PALS1: variants seen among roughly 807,000 people sequenced by gnomAD.
PALS1 encodes the protein protein PALS1.
Under a neutral mutation model 78.9 loss-of-function variants are expected in PALS1, and 31 were observed. That is an observed-to-expected ratio of 0.39 (90% CI 0.30 to 0.53). The LOEUF is 0.53. Among genes scored for constraint, PALS1 ranks in the 20% least tolerant of loss-of-function variants. PALS1 has a pLI of 0.67. For synonymous variants in PALS1, 276 were observed against 270.9 expected, an observed-to-expected ratio of 1.02 and a Z score of -0.18; for missense variants, 704 against 826.5, an observed-to-expected ratio of 0.85 and a Z score of 1.82.
At position 67,318,189 on chromosome 14, in the gene PALS1, G is replaced by A. The variant is rs578193224; in HGVS notation, c.1369+710G>A. Among the ~76,000 whole-genome samples the A allele has an allele frequency of 1.7e-3, 261 of 152,292 alleles. 3 individuals carry two copies. Among genetic ancestry groups the A allele is most frequent in the African/African-American group, 6.2e-3 (258 of 41,552 alleles). On this transcript the variant is annotated intron_variant, in intron 11 of 14. Transcript: ENST00000261681. Reference sequence around the variant, plus strand: ...ATAAAGCAAAGGCTTTCCTTCTTATGTAATTTATAAGGCTTTTCTGTCAAG... The same window carrying A: ...ATAAAGCAAAGGCTTTCCTTCTTATATAATTTATAAGGCTTTTCTGTCAAG...
At chr14:67,273,873 T>C (rs879807119) in intron 2 of PALS1, among the ~76,000 whole-genome samples, 2 of 152,258 alleles carry the variant, frequency 1.3e-5, no homozygotes, top group Non-Finnish European at 2.9e-5. Flanking sequence ...TGATGACCAG[T>C]GATAATGAGC....
At position 67,330,138 on chromosome 14, in the gene PALS1, A is replaced by AAAC. The variant is rs1185408136; in HGVS notation, c.1852-2640_1852-2639insCAA. Among the ~76,000 whole-genome samples, 545 of 146,478 alleles carry AAAC rather than the reference A, an allele frequency of 3.7e-3. 5 individuals are homozygous for AAAC. Among genetic ancestry groups the AAAC allele is most frequent in the African/African-American group, 0.013 (506 of 39,990 alleles). On this transcript the variant is annotated intron_variant, in intron 14 of 14. Coordinates refer to ENST00000261681, the MANE Select transcript of PALS1 (RefSeq NM_022474.4). ...AAGACACAATCTGGAACCAGGAAAT[A>AAAC]AATAATAATAATAATAATTATTATT...
chr14:67,323,390 G>C (rs911912656), intron 13 of PALS1, among the ~76,000 whole-genome samples: 5 of 151,582 alleles, frequency 3.3e-5, no homozygotes, highest in African/African-American at 1.2e-4. Flanking sequence ...CAAGGCAGGA[G>C]CATTGCTTGA....
intron 11 of PALS1, among the ~76,000 whole-genome samples, chr14:67,319,975 T>C (rs2085237866): frequency 6.6e-6 from 1 of 152,220 alleles, no homozygotes; most frequent in Non-Finnish European, 1.5e-5. Context: ...AATTAGCTGT[T>C]TAATGTAAGA....
In PALS1 at chr14:67,321,202, T is replaced by C; in HGVS notation, c.1683T>C (p.Asp561=). ...FEKNLYGTSI[D]SVRQVINSGK... ...AGAATTTGTATGGAACTAGCATAGA[T>C]TCTGTACGGCAAGTGATCAACTCTG... The change falls in exon 13 of 15, where the codon GAT becomes GAC. Residue 561 remains aspartate (D), a synonymous_variant. Coordinates refer to ENST00000261681, the MANE Select transcript of PALS1 (RefSeq NM_022474.4). 6.2e-7 allele frequency: 1 copy of C among 1,614,230 alleles called. No homozygotes were observed. Among genetic ancestry groups the C allele is most frequent in the Non-Finnish European group, 8.5e-7 (1 of 1,180,038 alleles).
chr14:67,306,492 C>T (rs1173985411), intron 8 of PALS1, among the ~76,000 whole-genome samples: 1 of 150,910 alleles, frequency 6.6e-6, no homozygotes, highest in African/African-American at 2.4e-5. Flanking sequence ...TACAGGCGCC[C>T]GCCACCATGC....
chr14:67,297,578 T>A (rs566927549), intron 4 of PALS1, among the ~76,000 whole-genome samples: 1 of 152,212 alleles, frequency 6.6e-6, no homozygotes, highest in Non-Finnish European at 1.5e-5. Flanking sequence ...AATATTACTT[T>A]GATAACATTG....
chr14:67,302,126 T>TCC lies in PALS1; in HGVS notation c.801+10_801+11dup. On this transcript the variant is annotated intron_variant, in intron 6 of 14. Coordinates refer to ENST00000261681, the MANE Select transcript of PALS1 (RefSeq NM_022474.4). ...GCTCGTGATATTCCGTTGGTAAGTG[T>TCC]CCCACATACTGTTTTTAAACAAGTG... 1 of 1,589,130 alleles carries TCC rather than the reference T, an allele frequency of 6.3e-7. No individual in the cohort carries two copies. The highest frequency in any genetic ancestry group is 8.5e-7 in the Non-Finnish European group (1 of 1,170,192).
intron 1 of PALS1, among the ~76,000 whole-genome samples, chr14:67,265,315 C>T (rs184585693): frequency 2.0e-5 from 3 of 151,982 alleles, no homozygotes; most frequent in Non-Finnish European, 2.9e-5. Flanking sequence ...CTCAGAGATT[C>T]GGGAGGCTGA....
chr14:67,268,635 CGGCACTG>C (rs1489711675), intron 1 of PALS1, among the ~76,000 whole-genome samples: 1 of 152,196 alleles, frequency 6.6e-6, no homozygotes, highest in Non-Finnish European at 1.5e-5. Context: ...TAAACTGTCA[CGGCACTG>C]GCAGGAGCGT....
At chr14:67,304,793 A>G (rs2084976919) in intron 8 of PALS1, among the ~76,000 whole-genome samples, 2 of 150,320 alleles carry the variant, frequency 1.3e-5, no homozygotes, top group Admixed American at 1.3e-4. Context: ...TGAATTATAT[A>G]TCAATAAAGC....
chr14:67,295,903 A>G (rs957285465), intron 4 of PALS1, among the ~76,000 whole-genome samples: 3 of 152,202 alleles, frequency 2.0e-5, no homozygotes, highest in African/African-American at 4.8e-5. Flanking sequence ...AAAAGCTTAA[A>G]AACAGATGTT....
At chr14:67,329,577 C>T (rs73284805) in intron 14 of PALS1, among the ~76,000 whole-genome samples, 23,597 of 152,070 alleles carry the variant, frequency 0.16, 3,461 homozygotes, top group East Asian at 0.42. Context: ...GGAATGCTTC[C>T]AGTTTTTGTC....
At chr14:67,299,002 G>A (rs1432376748) in intron 4 of PALS1, among the ~76,000 whole-genome samples, 1 of 152,200 alleles carries the variant, frequency 6.6e-6, no homozygotes, top group African/African-American at 2.4e-5. Context: ...TCTTGTATCA[G>A]TAGTTTGTAA....
intron 11 of PALS1, among the ~76,000 whole-genome samples, chr14:67,318,157 C>A (rs2085206451): frequency 6.6e-6 from 1 of 152,052 alleles, no homozygotes; most frequent in East Asian, 1.9e-4. Flanking sequence ...TAGAAGCAAC[C>A]CAAATAATAA....
intron 1 of PALS1, among the ~76,000 whole-genome samples, chr14:67,262,225 G>A (rs2084249826): frequency 6.6e-6 from 1 of 152,124 alleles, no homozygotes; most frequent in Non-Finnish European, 1.5e-5. Flanking sequence ...ATATAAGTAT[G>A]TAAATTACTT....
intron 1 of PALS1, among the ~76,000 whole-genome samples, chr14:67,250,054 G>C (rs976440312): frequency 2.0e-5 from 3 of 152,104 alleles, no homozygotes; most frequent in Admixed American, 1.3e-4. Flanking sequence ...TTATGAAGCT[G>C]GTTGAGATTC....
chr14:67,323,162 G>A (rs2085287342), intron 13 of PALS1, among the ~76,000 whole-genome samples: 1 of 151,174 alleles, frequency 6.6e-6, no homozygotes, highest in Non-Finnish European at 1.5e-5. Flanking sequence ...ACATAAAAGA[G>A]CAAGCTAAAA....
chr14:67,293,115 T>C (rs1450760610), intron 4 of PALS1, among the ~76,000 whole-genome samples: 1 of 152,102 alleles, frequency 6.6e-6, no homozygotes, highest in Non-Finnish European at 1.5e-5. Flanking sequence ...ACGCCTAAGA[T>C]TTATTATGTC....
Sources: allele counts gnomAD v4.1 joint callset (sites outside exome capture counted in the v4.1 genomes callset), GRCh38; gene constraint gnomAD v4.1.1; transcripts MANE v1.5; gene names NCBI Gene and HGNC (gene_info 2026-07-23, HGNC 2026-07-21).